NMNAT3: variants seen among roughly 807,000 people sequenced by gnomAD.
NMNAT3 encodes the protein nicotinamide nucleotide adenylyltransferase 3, also known as nicotinamide/nicotinic acid mononucleotide adenylyltransferase 3.
NMNAT3 carries 21 observed loss-of-function variants against 24.8 expected under a neutral mutation model. The ratio of observed to expected loss-of-function variants is 0.85; its 90% CI spans 0.60 to 1.22. The LOEUF (loss-of-function observed/expected upper bound fraction) is 1.22. Ranked by LOEUF, NMNAT3 falls within the 50% of genes most tolerant of loss-of-function variation. NMNAT3 has a pLI of 0.00. For synonymous variants in NMNAT3, 136 were observed against 155.2 expected, an observed-to-expected ratio of 0.88 and a Z score of 0.92; for missense variants, 387 against 436.6, an observed-to-expected ratio of 0.89 and a Z score of 1.01.
chr3:139,561,133 C>T lies in NMNAT3; in HGVS notation c.918G>A (p.Gly306=). Reference sequence around the variant, plus strand: ...CGGGAATCAGGTACTTTACGCTCTGCCCTTGGCCCAAGGCTCGCCTGATGT... The same window carrying T: ...CGGGAATCAGGTACTTTACGCTCTGTCCTTGGCCCAAGGCTCGCCTGATGT... Residue 306 remains glycine (G), a synonymous_variant, in exon 7 of 7, where the codon GGG becomes GGA. Transcript: ENST00000643695. 1 of 1,614,156 alleles carries T rather than the reference C, an allele frequency of 6.2e-7. No individual in the cohort carries two copies. The highest frequency in any genetic ancestry group is 8.5e-7 in the Non-Finnish European group (1 of 1,180,030).
At chr3:139,633,455 C>T (rs147234878) in intron 2 of NMNAT3, among the ~76,000 whole-genome samples, 3,262 of 152,308 alleles carry the variant, frequency 0.021, 103 homozygotes, top group African/African-American at 0.073. Context: ...GCTGGGATTA[C>T]AGGCGTGAGC....
Position 139,582,639 on chromosome 3 carries a change from CAAAAAA to C in NMNAT3, c.391+282_391+287del, listed in dbSNP as rs58495559. The stretch of plus-strand genomic sequence containing the variant: ...CCTGGGCAACAGAGTGGGACTGTCT[CAAAAAA>C]AAAAAAAAAAAAAAAAAAAGAAAAG... On this transcript the variant is annotated intron_variant, in intron 4 of 6. Transcript: ENST00000643695. Among the ~76,000 whole-genome samples, 22 of 57,488 alleles carry C rather than the reference CAAAAAA, an allele frequency of 3.8e-4. No individual in the cohort carries two copies. The South Asian group carries it at 5.9e-3, about 16-fold the overall frequency. 37.7% of individuals were successfully genotyped at this position (57,488 alleles called of 152,430 possible). A position where few individuals can be genotyped will look rare whatever the true frequency, so the allele number is the denominator to read the frequency against.
At chr3:139,600,357 G>C (rs1263853114) in intron 3 of NMNAT3, among the ~76,000 whole-genome samples, 1 of 150,562 alleles carries the variant, frequency 6.6e-6, no homozygotes, top group African/African-American at 2.5e-5. Context: ...ACTGGCTAGA[G>C]TGCAATGGCG....
chr3:139,561,810 T>C (rs1186168391), intron 6 of NMNAT3, among the ~76,000 whole-genome samples: 1 of 152,200 alleles, frequency 6.6e-6, no homozygotes, highest in East Asian at 1.9e-4. Context: ...ACTGCCTTAT[T>C]TGAAATCCAT....
intron 5 of NMNAT3, among the ~76,000 whole-genome samples, chr3:139,574,892 A>T (rs191906976): frequency 7.9e-4 from 120 of 152,248 alleles, no homozygotes; most frequent in African/African-American, 2.4e-3. Flanking sequence ...CTAGAATTAG[A>T]CTGGGTTGGA....
intron 1 of NMNAT3, among the ~76,000 whole-genome samples, chr3:139,641,569 A>G (rs1375467463): frequency 6.6e-6 from 1 of 152,186 alleles, no homozygotes; most frequent in African/African-American, 2.4e-5. Context: ...AGAACACTCC[A>G]TTCTCAGAGG....
At chr3:139,619,459 T>A (rs2055660686) in intron 3 of NMNAT3, among the ~76,000 whole-genome samples, 1 of 152,158 alleles carries the variant, frequency 6.6e-6, no homozygotes, top group Non-Finnish European at 1.5e-5. Flanking sequence ...TGATCAATTA[T>A]CTATGTACGC....
chr3:139,617,348 A>T (rs1272393976), intron 3 of NMNAT3, among the ~76,000 whole-genome samples: 3 of 152,196 alleles, frequency 2.0e-5, no homozygotes, highest in Non-Finnish European at 4.4e-5. Context: ...GAATGAATGG[A>T]GGCTGCATGG....
At chr3:139,566,792 A>G (rs1937304102) in intron 6 of NMNAT3, 1 of 152,264 alleles carries the variant, frequency 6.6e-6, no homozygotes, top group East Asian at 1.9e-4. Context: ...GAAGTCAGGT[A>G]GCATGATGCC....
At chr3:139,663,381 C>T (rs183836179) in intron 1 of NMNAT3, among the ~76,000 whole-genome samples, 19 of 152,272 alleles carry the variant, frequency 1.2e-4, no homozygotes, top group African/African-American at 4.3e-4. Context: ...ATCTTAATGC[C>T]CCCATGCCAC....
At chr3:139,674,104 A>G (rs1308402178) in intron 1 of NMNAT3, among the ~76,000 whole-genome samples, 1 of 152,178 alleles carries the variant, frequency 6.6e-6, no homozygotes, top group Non-Finnish European at 1.5e-5. Context: ...AAGGCAGCCC[A>G]GACACAGCAC....
chr3:139,638,303 C>A (rs533801039), intron 1 of NMNAT3, among the ~76,000 whole-genome samples: 1 of 152,304 alleles, frequency 6.6e-6, no homozygotes, highest in Non-Finnish European at 1.5e-5. Context: ...ATTCCTGATT[C>A]CCACCTTAGT....
chr3:139,641,758 C>T (rs1040703291), intron 1 of NMNAT3, among the ~76,000 whole-genome samples: 1 of 152,204 alleles, frequency 6.6e-6, no homozygotes, highest in Non-Finnish European at 1.5e-5. Context: ...TTTACGCTGT[C>T]TTCCATGAGC....
intron 1 of NMNAT3, among the ~76,000 whole-genome samples, chr3:139,673,925 G>C (rs2057841828): frequency 6.6e-6 from 1 of 152,066 alleles, no homozygotes. Flanking sequence ...CATGCCGACA[G>C]GCACCCGCTG....
At chr3:139,670,475 C>T (rs962332551) in intron 1 of NMNAT3, among the ~76,000 whole-genome samples, 3 of 152,214 alleles carry the variant, frequency 2.0e-5, no homozygotes, top group Admixed American at 1.3e-4. Flanking sequence ...GCTAATTTCC[C>T]TACCTTTTGC....
chr3:139,623,583 G>A (rs1029780446), intron 3 of NMNAT3, among the ~76,000 whole-genome samples: 30 of 151,844 alleles, frequency 2.0e-4, no homozygotes, highest in African/African-American at 7.2e-4. Flanking sequence ...GACTTAATTG[G>A]TCGATTGATT....
chr3:139,603,594 A>G (rs1475566410), intron 3 of NMNAT3, among the ~76,000 whole-genome samples: 2 of 151,062 alleles, frequency 1.3e-5, no homozygotes, highest in Non-Finnish European at 1.5e-5. Context: ...TATCACATTA[A>G]TAGCACCACT....
intron 1 of NMNAT3, among the ~76,000 whole-genome samples, chr3:139,659,200 A>G (rs2057338797): frequency 6.6e-6 from 1 of 152,240 alleles, no homozygotes; most frequent in Non-Finnish European, 1.5e-5. Flanking sequence ...AATAAGGATT[A>G]TCACTGAATC....
chr3:139,623,570 C>G (rs1246007279), intron 3 of NMNAT3, among the ~76,000 whole-genome samples: 1 of 151,830 alleles, frequency 6.6e-6, no homozygotes, highest in African/African-American at 2.4e-5. Context: ...ATAGTATATG[C>G]TAGACTTAAT....
Sources: gnomAD v4.1 joint callset for allele counts (sites outside exome capture counted in the v4.1 genomes callset) on GRCh38, gnomAD v4.1.1 for gene constraint, MANE v1.5 for transcripts, NCBI Gene and HGNC (gene_info 2026-07-23, HGNC 2026-07-21) for gene names.